DCHS1: variants seen among roughly 807,000 people sequenced by gnomAD.
The protein encoded by DCHS1 is dachsous cadherin-related 1.
A neutral mutation model predicts 213.9 loss-of-function variants in DCHS1; 78 were observed. The ratio of observed to expected loss-of-function variants is 0.36; its 90% confidence interval spans 0.30 to 0.44. DCHS1 has a LOEUF of 0.44. DCHS1 is among the 20% of genes least tolerant of loss of function. The pLI, the probability that DCHS1 is intolerant of heterozygous loss-of-function variation, is 1.00. For missense variants in DCHS1, 3,946 were observed against 4,395.9 expected (o/e 0.90, Z 2.89); for synonymous variants, 1,828 against 1,873.7 (o/e 0.98, Z 0.63).
intron 20 of DCHS1, 24 bp downstream of exon 20, chr11:6,624,706 G>A: frequency 6.2e-7 from 1 of 1,613,742 alleles, no homozygotes; most frequent in African/African-American, 1.3e-5. Flanking sequence ...CAAAGGCAAG[G>A]GGCAGATCCT....
In DCHS1 at chr11:6,628,587, G is replaced by A. The variant is rs763144757; in HGVS notation, c.5371+34C>T. On this transcript the variant is annotated intron_variant, in intron 13 of 20. Transcript: ENST00000299441. The surrounding 1 kb of genome is among the most constrained non-coding windows in gnomAD (Gnocchi z 4.3). ...GAAGGAGCAAGAACCAGGCAAGTGG[G>A]TGCTGAATTAAGTGGGAGTGGGAAG... is the stretch of plus-strand genomic sequence containing the variant. 4 of 1,610,780 alleles carry A rather than the reference G, an allele frequency of 2.5e-6. No homozygotes were observed. The highest frequency in any genetic ancestry group is 3.4e-6 in the Non-Finnish European group (4 of 1,177,590).
rs910968333 is a variant in DCHS1 at position 6,621,675 on chromosome 11, C to T, written c.*104G>A. 7.3e-7 allele frequency: 1 copy of T among 1,374,534 alleles called. No individual in the cohort carries two copies. Among genetic ancestry groups the T allele is most frequent in the Non-Finnish European group, 1.0e-6 (1 of 1,000,264 alleles). The allele number at this position is 1,374,534 out of a possible 1,614,324, so 85.1% of individuals were successfully genotyped here. A position where few individuals can be genotyped will look rare whatever the true frequency, so the allele number is the denominator to read the frequency against. The stretch of plus-strand genomic sequence containing the variant: ...AGAGCTGGGGCCTGGTGGTGGCCTC[C>T]CCGTAGCCAGTCATAGTCCGAGGCT... On this transcript the variant is annotated 3_prime_UTR_variant, in exon 21 of 21. Transcript: ENST00000299441.
chr11:6,630,287 G>C lies in DCHS1; in HGVS notation c.4507C>G (p.Arg1503Gly). 6.6e-7 allele frequency: 1 copy of C among 1,516,066 alleles called. No individual in the cohort carries two copies. The highest frequency in any genetic ancestry group is 8.8e-7 in the Non-Finnish European group (1 of 1,135,494). 93.9% of individuals were successfully genotyped at this position (1,516,066 alleles called of 1,614,324 possible). ...AGCAGCAGCGCGGGAGTGGTCTCTC[G>C]GTCCAGGCCGCGCGGAGCGCTGAGC... ...GALSAPRGLDRETTPALLLLV... is the reference protein window; with the variant it reads ...GALSAPRGLDGETTPALLLLV... The change falls in exon 10 of 21, where the codon CGA becomes GGA. Residue 1503 changes from arginine (R) to glycine (G), a missense_variant. Arg to Gly is a moderately radical substitution (Grantham distance 125). Coordinates refer to ENST00000299441, the MANE Select transcript of DCHS1 (RefSeq NM_003737.4).
rs1452304987 is a variant in DCHS1, at chr11:6,640,294, C to T, written c.1320G>A (p.Leu440=). 6.2e-7 allele frequency: 1 copy of T among 1,608,044 alleles called. No individual in the cohort carries two copies. The highest frequency in any genetic ancestry group is 1.1e-5 in the South Asian group (1 of 90,104). Residue 440 remains leucine (L), a synonymous_variant, in exon 2 of 21, where the codon TTG becomes TTA. Transcript: ENST00000299441. This position sits in a 1 kb window ranked among gnomAD's most constrained non-coding sequence, Gnocchi z 6.5. ...AGCCTGAGTCTGTGGCTGTAACCCT[C>T]AAGTTATAGGCATCCCTCTCCTCTC... ...LDREERDAYN[L]RVTATDSGSP...
intron 2 of DCHS1, among the ~76,000 whole-genome samples, chr11:6,638,971 G>A (rs2134641793): frequency 6.6e-6 from 1 of 152,148 alleles, no homozygotes; most frequent in East Asian, 1.9e-4. Context: ...AATTAGCTGG[G>A]TGTGGTGGAG....
At chr11:6,639,676 G>A (rs1164536663) in intron 2 of DCHS1, 141 bp downstream of exon 2, 7 of 705,318 alleles carry the variant, frequency 9.9e-6, no homozygotes, top group Non-Finnish European at 1.1e-5. Flanking sequence ...CACAGATTTT[G>A]GAGCTTACAA....
rs530546569 is a variant in DCHS1 at position 6,630,090 on chromosome 11, T to G, written c.4704A>C (p.Val1568=). ...CCTCGCCCAGATCCGGGTCCCGGGC[T>G]ACCACGTGCAGGGCCGCGGGCCCAG... ...QPPGPAALHV[V]ARDPDLGEAA... Residue 1568 remains valine (V), a synonymous_variant, in exon 10 of 21, where the codon GTA becomes GTC. Coordinates refer to ENST00000299441, the MANE Select transcript of DCHS1 (RefSeq NM_003737.4). The G allele has an allele frequency of 6.3e-7, 1 of 1,595,726 alleles. No individual in the cohort carries two copies. Among genetic ancestry groups the G allele is most frequent in the South Asian group, 1.1e-5 (1 of 90,130 alleles).
intron 1 of DCHS1, among the ~76,000 whole-genome samples, chr11:6,648,680 G>A (rs1297280943): frequency 1.3e-5 from 2 of 152,246 alleles, no homozygotes; most frequent in Non-Finnish European, 2.9e-5. Context: ...GGCCAAGCCA[G>A]CTGGATTTGG....
Position 6,630,150 on chromosome 11 carries a change from C to T in DCHS1, c.4644G>A (p.Ser1548=). ...CCTCTGGGAGGCGCACGCGTGACGG[C>T]GAGGCGAAGACAGGCGCGTTGTCAT... is the stretch of plus-strand genomic sequence containing the variant. ...DENDNAPVFA[S]PSRVRLPEDQ... Residue 1548 remains serine (S), a synonymous_variant, in exon 10 of 21, where the codon TCG becomes TCA. Coordinates refer to ENST00000299441, the MANE Select transcript of DCHS1 (RefSeq NM_003737.4). 4 of 1,603,388 alleles carry T rather than the reference C, an allele frequency of 2.5e-6. No homozygotes were observed. Among genetic ancestry groups the T allele is most frequent in the Non-Finnish European group, 3.4e-6 (4 of 1,174,542 alleles).
In DCHS1 at chr11:6,628,144, A is replaced by G. The variant is rs1331000226; in HGVS notation, c.5371+477T>C. ...AATTATACCTGCTTTAATCTCTGAAATTAACTACTTTCCAACAAATTGTTA... is the reference window on the plus strand; with the variant it reads ...AATTATACCTGCTTTAATCTCTGAAGTTAACTACTTTCCAACAAATTGTTA... On this transcript the variant is annotated intron_variant, in intron 13 of 20. Transcript: ENST00000299441. This position sits in a 1 kb window ranked among gnomAD's most constrained non-coding sequence, Gnocchi z 4.3. Among the ~76,000 whole-genome samples, 1 of 152,256 alleles carries G rather than the reference A, an allele frequency of 6.6e-6. No homozygotes were observed. The highest frequency in any genetic ancestry group is 1.9e-4 in the East Asian group (1 of 5,206).
At position 6,630,939 on chromosome 11, in the gene DCHS1, G is replaced by A. The variant is rs898333614; in HGVS notation, c.3931-76C>T. ...GGGATCTGGGCTGGCTTCCCAGGTG[G>A]TAGGAAAGTGGTCAGAGTAGCCTGA... On this transcript the variant is annotated intron_variant, in intron 9 of 20. Coordinates refer to ENST00000299441, the MANE Select transcript of DCHS1 (RefSeq NM_003737.4). The A allele has an allele frequency of 2.7e-6, 4 of 1,498,614 alleles. No individual in the cohort carries two copies. The African/African-American group carries it at 5.6e-5, about 21-fold the overall frequency. 92.8% of individuals were successfully genotyped at this position (1,498,614 alleles called of 1,614,324 possible).
At chr11:6,649,641 T>C (rs548061128) in intron 1 of DCHS1, among the ~76,000 whole-genome samples, 8 of 152,248 alleles carry the variant, frequency 5.3e-5, no homozygotes, top group Middle Eastern at 3.4e-3. Flanking sequence ...AGAGGTGACG[T>C]GGACAGATCA....
In DCHS1 at chr11:6,626,235, A is replaced by G; in HGVS notation, c.6510T>C (p.Arg2170=). 1 of 1,612,230 alleles carries G rather than the reference A, an allele frequency of 6.2e-7. No individual in the cohort carries two copies. The highest frequency in any genetic ancestry group is 8.5e-7 in the Non-Finnish European group (1 of 1,179,150). Residue 2170 remains arginine (R), a synonymous_variant, in exon 16 of 21, where the codon CGT becomes CGC. Transcript: ENST00000299441. The surrounding 1 kb of genome is among the most constrained non-coding windows in gnomAD (Gnocchi z 5.2). ...TLQDANDNAP[R]FLRPHYVAFL... ...AGGCCACATAATGGGGCCGCAGGAAACGGGGAGCATTGTCGTTGGCATCTT... is the reference window on the plus strand; with the variant it reads ...AGGCCACATAATGGGGCCGCAGGAAGCGGGGAGCATTGTCGTTGGCATCTT...
intron 2 of DCHS1, among the ~76,000 whole-genome samples, chr11:6,639,537 G>A (rs1180057266): frequency 6.6e-6 from 1 of 152,180 alleles, no homozygotes; most frequent in Non-Finnish European, 1.5e-5. Flanking sequence ...ACAGCTTTGA[G>A]GCTTTCATTT....
At chr11:6,633,718 G>A (rs1855947372) in intron 4 of DCHS1, 70 bp from the exon 5 acceptor site, 10 of 1,599,108 alleles carry the variant, frequency 6.3e-6, no homozygotes, top group South Asian at 4.4e-5. Context: ...TGGAGGAGGT[G>A]GGTAGGACAT....
chr11:6,627,028 G>A lies in DCHS1; in HGVS notation c.6011C>T (p.Ala2004Val). ...GANASILYRL[A>V]GTPPPGTTVD... is the part of the protein sequence containing the mutation. ...AGTAGTGCCAGGAGGTGGTGTGCCT[G>A]CCAGCCGGTACAGAATGGAAGCATT... The change falls in exon 14 of 21, where the codon GCA (alanine) becomes GTA (valine). Residue 2004 changes from alanine to valine, a missense_variant. This residue lies in a region of DCHS1 where 3,384 missense variants were observed against 3,780.1 expected (regional missense o/e 0.90). Coordinates refer to ENST00000299441, the MANE Select transcript of DCHS1 (RefSeq NM_003737.4). The surrounding 1 kb of genome is among the most constrained non-coding windows in gnomAD (Gnocchi z 5.4). 1.9e-6 allele frequency: 3 copies of A among 1,613,498 alleles called. No homozygotes were observed. Among genetic ancestry groups the A allele is most frequent in the Non-Finnish European group, 2.5e-6 (3 of 1,179,778 alleles).
intron 2 of DCHS1, among the ~76,000 whole-genome samples, chr11:6,637,856 A>T (rs1382709748): frequency 6.6e-6 from 1 of 152,168 alleles, no homozygotes; most frequent in Non-Finnish European, 1.5e-5. Context: ...CGTGTCTCTA[A>T]TACAGTGACT....
rs1564864846 is a variant in DCHS1 at position 6,631,712 on chromosome 11, G to A, written c.3579C>T (p.Thr1193=). The change falls in exon 7 of 21, where the codon ACC becomes ACT. Residue 1193 remains threonine, a synonymous_variant. Transcript: ENST00000299441. ...GCACTGCAACATGCACAGTGCCTGTGGTGCTGCGGGGTGGGCTCCCTCCAT... is the reference window on the plus strand; with the variant it reads ...GCACTGCAACATGCACAGTGCCTGTAGTGCTGCGGGGTGGGCTCCCTCCAT... ...VQDGGSPPRS[T]TGTVHVAVLD... is the part of the protein sequence containing the mutation. 4 of 1,610,080 alleles carry A rather than the reference G, an allele frequency of 2.5e-6. No homozygotes were observed. The highest frequency in any genetic ancestry group is 2.2e-5 in the East Asian group (1 of 44,820).
At chr11:6,646,553 A>G (rs993723110) in intron 1 of DCHS1, among the ~76,000 whole-genome samples, 2 of 151,314 alleles carry the variant, frequency 1.3e-5, no homozygotes, top group African/African-American at 4.9e-5. Flanking sequence ...CTGCCCCTCC[A>G]TCTTGTCTCT....
Sources: allele counts gnomAD v4.1 joint callset (sites outside exome capture counted in the v4.1 genomes callset), GRCh38; gene constraint gnomAD v4.1.1; regional missense constraint gnomAD v4.1.1; non-coding constraint Gnocchi (gnomAD v3.1); transcripts MANE v1.5; gene names NCBI Gene and HGNC (gene_info 2026-07-23, HGNC 2026-07-21).